Variants in WNT7B observed in about 807,000 individuals in gnomAD.
The protein encoded by WNT7B is protein Wnt-7b.
Under a neutral mutation model 38.2 loss-of-function variants are expected in WNT7B, and 19 were observed. The observed-to-expected ratio is 0.50, with a 90% CI of 0.35 to 0.73. The LOEUF is 0.73. Ranked by LOEUF, WNT7B falls within the 30% of genes least tolerant of loss-of-function variation. The probability of loss-of-function intolerance (pLI) is 0.01; values close to 1 mark genes in which losing one functional copy is unlikely to be tolerated. For synonymous variants in WNT7B, 243 were observed against 209.3 expected (o/e 1.16, Z -1.39); for missense variants, 423 against 507.9 (o/e 0.83, Z 1.61).
chr22:45,925,582 C>G, intron 3 of WNT7B: 1 of 985,352 alleles, frequency 1.0e-6, no homozygotes, highest in Non-Finnish European at 1.2e-6. Context: ...TCCTGTCCCT[C>G]TCCCATCCTG....
Position 45,974,337 on chromosome 22 carries a change from T to C in WNT7B, c.71+2347A>G, listed in dbSNP as rs866205166. Among the ~76,000 whole-genome samples, 15 of 152,320 alleles carry C rather than the reference T, an allele frequency of 9.8e-5. No homozygotes were observed. The South Asian group carries it at 3.1e-3, about 32-fold the overall frequency. ...CTCCCCAACCTCCTCCTTAATGCAA[T>C]GGGCTTCCAGGTCATTTAACCCCTG... On this transcript the variant is annotated intron_variant, in intron 1 of 3. Transcript: ENST00000339464.
chr22:45,968,592 C>T (rs182002435), intron 1 of WNT7B, among the ~76,000 whole-genome samples: 12 of 152,324 alleles, frequency 7.9e-5, no homozygotes, highest in African/African-American at 2.2e-4. Context: ...TGGAGTCCAG[C>T]GTCACCCCAG....
chr22:45,966,657 G>A lies in WNT7B; in HGVS notation c.71+10027C>T, dbSNP rs1022818574. Among the ~76,000 whole-genome samples the A allele has an allele frequency of 5.9e-5, 9 of 152,174 alleles. No individual in the cohort carries two copies. Among genetic ancestry groups the A allele is most frequent in the African/African-American group, 2.2e-4 (9 of 41,426 alleles). On this transcript the variant is annotated intron_variant, in intron 1 of 3. Coordinates refer to ENST00000339464, the MANE Select transcript of WNT7B (RefSeq NM_058238.3). The surrounding 1 kb of genome is among the most constrained non-coding windows in gnomAD (Gnocchi z 4.2). ...CACTCTAAAGCTGCAAAGGCTGCTT[G>A]GGGGAGCAGGACGTTAGTGTCTTCT...
chr22:45,929,373 C>T (rs1317278519), intron 3 of WNT7B, among the ~76,000 whole-genome samples: 1 of 151,234 alleles, frequency 6.6e-6, no homozygotes, highest in Non-Finnish European at 1.5e-5. Context: ...TCTATTCACC[C>T]ATCCACCCAC....
At chr22:45,962,772 G>A (rs756819137) in intron 1 of WNT7B, among the ~76,000 whole-genome samples, 39 of 152,368 alleles carry the variant, frequency 2.6e-4, no homozygotes, top group Non-Finnish European at 5.4e-4. Flanking sequence ...TCCTGGCCCT[G>A]GCCCTGATGC....
intron 1 of WNT7B, among the ~76,000 whole-genome samples, chr22:45,957,232 A>G (rs1328989017): frequency 6.6e-6 from 1 of 151,240 alleles, no homozygotes; most frequent in African/African-American, 2.4e-5. Context: ...TGTATGCCAC[A>G]TGTATGTAAA....
In WNT7B at chr22:45,921,653, G is replaced by A. The variant is rs1002942135; in HGVS notation, c.*1203C>T. The A allele has an allele frequency of 6.6e-6, 1 of 152,206 alleles. No homozygotes were observed. Among genetic ancestry groups the A allele is most frequent in the Non-Finnish European group, 1.5e-5 (1 of 68,054 alleles). 9.4% of individuals were successfully genotyped at this position (152,206 alleles called of 1,614,324 possible). On this transcript the variant is annotated 3_prime_UTR_variant, in exon 4 of 4. Transcript: ENST00000339464. Reference sequence around the variant, plus strand: ...GGGTCAGGCTGGCTCCAGGGGGAAGGGGGTCTCTGTAAACTGGAGGTGCCA... The same window carrying A: ...GGGTCAGGCTGGCTCCAGGGGGAAGAGGGTCTCTGTAAACTGGAGGTGCCA...
At chr22:45,958,303 T>C (rs1932118396) in intron 1 of WNT7B, among the ~76,000 whole-genome samples, 1 of 152,194 alleles carries the variant, frequency 6.6e-6, no homozygotes, top group Admixed American at 6.5e-5. Context: ...GGGTGACCTG[T>C]CATCTTACTC....
intron 3 of WNT7B, among the ~76,000 whole-genome samples, chr22:45,929,700 C>CCCA (rs374605830): frequency 7.1e-6 from 1 of 140,636 alleles, no homozygotes; most frequent in Non-Finnish European, 1.5e-5. Context: ...ATCCACCCAT[C>CCCA]TTTCCATCCA....
chr22:45,930,677 C>T (rs988535231), intron 3 of WNT7B, among the ~76,000 whole-genome samples: 7 of 152,234 alleles, frequency 4.6e-5, no homozygotes, highest in African/African-American at 1.7e-4. Flanking sequence ...GGCATCCCTT[C>T]CTTGCTGAGC....
chr22:45,932,272 G>GTCA (rs957952378), intron 2 of WNT7B, among the ~76,000 whole-genome samples: 6 of 152,188 alleles, frequency 3.9e-5, no homozygotes, highest in Non-Finnish European at 8.8e-5. Context: ...GCCCAGAACA[G>GTCA]TGACTCAGTC....
intron 3 of WNT7B, chr22:45,926,983 C>T (rs998468924): frequency 2.0e-6 from 2 of 985,452 alleles, no homozygotes; most frequent in Non-Finnish European, 2.4e-6. Context: ...GGGTTCCCAC[C>T]CCCTGGCTCC....
In WNT7B at chr22:45,922,913, G is replaced by A; in HGVS notation, c.993C>T (p.Cys331=). 1 of 1,612,542 alleles carries A rather than the reference G, an allele frequency of 6.2e-7. No homozygotes were observed. Among genetic ancestry groups the A allele is most frequent in the Non-Finnish European group, 8.5e-7 (1 of 1,179,144 alleles). ...TGCAGGTGTTGCACTTGACGAAGCA[G>A]CACCAGTGGAATTTGCAGTTGCACT... The part of the protein sequence containing the change: ...VWQCNCKFHW[C]CFVKCNTCSE... The change falls in exon 4 of 4, where the codon TGC becomes TGT. Residue 331 remains cysteine, a synonymous_variant. Coordinates refer to ENST00000339464, the MANE Select transcript of WNT7B (RefSeq NM_058238.3).
chr22:45,949,679 C>G (rs535311087), intron 2 of WNT7B, among the ~76,000 whole-genome samples: 1 of 152,352 alleles, frequency 6.6e-6, no homozygotes, highest in African/African-American at 2.4e-5. Flanking sequence ...TGTCCTCCAG[C>G]CCCGAGCAAG....
At chr22:45,931,760 G>T (rs1931368604) in intron 2 of WNT7B, among the ~76,000 whole-genome samples, 1 of 152,182 alleles carries the variant, frequency 6.6e-6, no homozygotes, top group Non-Finnish European at 1.5e-5. Context: ...GGGGATGGGT[G>T]TCCATGCCTC....
chr22:45,936,979 G>A lies in WNT7B; in HGVS notation c.299-5610C>T, dbSNP rs573393195. Reference sequence around the variant, plus strand: ...CCACTTCCTAGCGTCCACAGGGGCCGGTGCACTTTTGTTAGAAAGCCATGG... The same window carrying A: ...CCACTTCCTAGCGTCCACAGGGGCCAGTGCACTTTTGTTAGAAAGCCATGG... On this transcript the variant is annotated intron_variant, in intron 2 of 3. Coordinates refer to ENST00000339464, the MANE Select transcript of WNT7B (RefSeq NM_058238.3). 5.3e-4 allele frequency among the ~76,000 whole-genome samples: 80 copies of A among 152,306 alleles called. 1 individual carries two copies. The highest frequency in any genetic ancestry group is 4.1e-4 in the South Asian group (2 of 4,834).
At chr22:45,926,714 C>T in intron 3 of WNT7B, 3 of 985,424 alleles carry the variant, frequency 3.0e-6, no homozygotes, top group Non-Finnish European at 3.6e-6. Flanking sequence ...AAGTGTGGCC[C>T]TGACCTGTGA....
intron 1 of WNT7B, among the ~76,000 whole-genome samples, chr22:45,953,137 G>T (rs1010914628): frequency 9.1e-6 from 1 of 109,890 alleles, no homozygotes; most frequent in African/African-American, 3.7e-5. Flanking sequence ...TCCGTGCCCG[G>T]CTTCCCCTCA....
intron 2 of WNT7B, among the ~76,000 whole-genome samples, chr22:45,949,020 G>A (rs1931864439): frequency 6.6e-6 from 1 of 151,782 alleles, no homozygotes; most frequent in East Asian, 1.9e-4. Context: ...TAGTAGAGAT[G>A]GGGTTTCACC....
Sources: gnomAD v4.1 joint callset for allele counts (sites outside exome capture counted in the v4.1 genomes callset) on GRCh38, gnomAD v4.1.1 for gene constraint, Gnocchi (gnomAD v3.1) non-coding constraint, MANE v1.5 for transcripts, NCBI Gene and HGNC (gene_info 2026-07-23, HGNC 2026-07-21) for gene names.